Variants in RAB38 observed in about 807,000 individuals in gnomAD.
RAB38 encodes ras-related protein Rab-38.
Under a neutral mutation model 18.4 loss-of-function variants are expected in RAB38, and 15 were observed. The observed-to-expected ratio is 0.82, with a 90% CI of 0.55 to 1.26. RAB38 has a LOEUF of 1.26. Among genes scored for constraint, RAB38 ranks in the 50% most tolerant of loss-of-function variants. The probability of loss-of-function intolerance (pLI) is 0.00; values close to 1 mark genes in which losing one functional copy is unlikely to be tolerated. For synonymous variants in RAB38, 101 were observed against 104.4 expected, an observed-to-expected ratio of 0.97 and a Z score of 0.20; for missense variants, 294 against 267.4, an observed-to-expected ratio of 1.10 and a Z score of -0.69.
chr11:88,098,256 G>A, the RAB38 span: 2 of 151,990 alleles, frequency 1.3e-5, no homozygotes, highest in African/African-American at 4.8e-5. Flanking sequence ...CAGCGTACCA[G>A]AAAGACAAAT....
intron 1 of RAB38, among the ~76,000 whole-genome samples, chr11:88,151,824 G>A (rs964604809): frequency 6.6e-6 from 1 of 152,136 alleles, no homozygotes; most frequent in African/African-American, 2.4e-5. Context: ...ATGAATGAAG[G>A]TCGAGGGCTC....
the RAB38 span, among the ~76,000 whole-genome samples, chr11:87,821,795 G>C: frequency 6.6e-6 from 1 of 150,684 alleles, no homozygotes; most frequent in Non-Finnish European, 1.5e-5. Context: ...AGATTGCAGT[G>C]AGCCGAGATC....
chr11:87,885,560 C>CCCATTCCTG, the RAB38 span, among the ~76,000 whole-genome samples: 17 of 152,150 alleles, frequency 1.1e-4, 1 homozygote, highest in Middle Eastern at 0.01. Context: ...TGGAACCCTG[C>CCCATTCCTG]CCATTCCTGT....
the RAB38 span, among the ~76,000 whole-genome samples, chr11:87,865,458 C>A: frequency 6.6e-6 from 1 of 151,680 alleles, no homozygotes; most frequent in East Asian, 1.9e-4. Flanking sequence ...AATTCTGGCT[C>A]ATGCGTACCT....
chr11:87,976,555 C>A, the RAB38 span, among the ~76,000 whole-genome samples: 3 of 119,822 alleles, frequency 2.5e-5, no homozygotes, highest in Non-Finnish European at 4.9e-5. Context: ...TTTATATATA[C>A]TTATATAACT....
the RAB38 span, among the ~76,000 whole-genome samples, chr11:88,089,083 GACATT>G: frequency 6.6e-6 from 1 of 151,946 alleles, no homozygotes; most frequent in African/African-American, 2.4e-5. Flanking sequence ...AACTATTTAT[GACATT>G]ACAAGAAACA....
At chr11:88,034,451 C>T in the RAB38 span, among the ~76,000 whole-genome samples, 1 of 152,224 alleles carries the variant, frequency 6.6e-6, no homozygotes, top group Non-Finnish European at 1.5e-5. Context: ...GTGGCTGTAA[C>T]AGTTTACATT....
At chr11:87,821,015 C>G in the RAB38 span, among the ~76,000 whole-genome samples, 1 of 152,020 alleles carries the variant, frequency 6.6e-6, no homozygotes, top group Admixed American at 6.6e-5. Context: ...GACAATCCAA[C>G]ATACATATCA....
chr11:88,093,988 T>C, the RAB38 span, among the ~76,000 whole-genome samples: 1 of 151,914 alleles, frequency 6.6e-6, no homozygotes, highest in East Asian at 1.9e-4. Context: ...CACTCCTGCA[T>C]CATTGCTTCC....
chr11:87,854,897 C>T, the RAB38 span, among the ~76,000 whole-genome samples: 1 of 152,076 alleles, frequency 6.6e-6, no homozygotes, highest in Non-Finnish European at 1.5e-5. Context: ...CAGGTTCATG[C>T]CATTCTCCTG....
At chr11:88,109,812 A>G (rs1942449734), downstream of RAB38, among the ~76,000 whole-genome samples, 1 of 152,240 alleles carries the variant, frequency 6.6e-6, no homozygotes, top group Non-Finnish European at 1.5e-5. Flanking sequence ...TCAAAACCAC[A>G]ATGAGATACC....
chr11:87,805,766 T>C, the RAB38 span, among the ~76,000 whole-genome samples: 3 of 152,056 alleles, frequency 2.0e-5, no homozygotes, highest in African/African-American at 7.2e-5. Context: ...TATATGTGTG[T>C]ATATATATAC....
At chr11:87,884,257 A>G in the RAB38 span, among the ~76,000 whole-genome samples, 2 of 151,964 alleles carry the variant, frequency 1.3e-5, no homozygotes, top group South Asian at 2.1e-4. Context: ...TCTGCTCGTA[A>G]GAGTGGGGAT....
the RAB38 span, among the ~76,000 whole-genome samples, chr11:88,005,164 A>G: frequency 6.6e-6 from 1 of 151,482 alleles, no homozygotes; most frequent in East Asian, 1.9e-4. Flanking sequence ...AAGAAAATAA[A>G]AACTCAGAAT....
At chr11:88,150,141 G>A (rs1208482391) in intron 1 of RAB38, among the ~76,000 whole-genome samples, 186 bp from the exon 2 acceptor site, 1 of 152,078 alleles carries the variant, frequency 6.6e-6, no homozygotes, top group Non-Finnish European at 1.5e-5. Flanking sequence ...ATTCAGAAGG[G>A]AATTCATCCA....
At chr11:87,840,694 C>T in the RAB38 span, among the ~76,000 whole-genome samples, 2 of 152,072 alleles carry the variant, frequency 1.3e-5, no homozygotes, top group Admixed American at 6.5e-5. Flanking sequence ...GTTGAAATGA[C>T]ATTACCATAA....
the RAB38 span, among the ~76,000 whole-genome samples, chr11:88,101,002 T>C: frequency 6.6e-6 from 1 of 151,996 alleles, no homozygotes; most frequent in Non-Finnish European, 1.5e-5. Flanking sequence ...ATAAGTTTAA[T>C]CTGTTCTCCT....
At chr11:88,056,028 T>TGG in the RAB38 span, among the ~76,000 whole-genome samples, 8 of 151,972 alleles carry the variant, frequency 5.3e-5, no homozygotes, top group Admixed American at 5.2e-4. Context: ...CGTGTGTGTG[T>TGG]GTGTGTGGTG....
At chr11:87,860,472 GAA>G in the RAB38 span, among the ~76,000 whole-genome samples, 1 of 151,964 alleles carries the variant, frequency 6.6e-6, no homozygotes, top group Admixed American at 6.6e-5. Context: ...GACTTTTAGA[GAA>G]GAGAGTGGAC....
Sources: allele counts gnomAD v4.1 joint callset (sites outside exome capture counted in the v4.1 genomes callset), GRCh38; gene constraint gnomAD v4.1.1; transcripts MANE v1.5; gene names NCBI Gene and HGNC (gene_info 2026-07-23, HGNC 2026-07-21).